Variants in KLHL32 observed in about 807,000 individuals in gnomAD.
KLHL32 encodes kelch-like protein 32.
KLHL32 carries 35 observed loss-of-function variants against 64.8 expected under a neutral mutation model. The observed-to-expected ratio is 0.54, with a 90% confidence interval of 0.41 to 0.72. The LOEUF is 0.72. Ranked by LOEUF, KLHL32 falls within the 30% of genes least tolerant of loss-of-function variation. The pLI, the probability that KLHL32 is intolerant of heterozygous loss-of-function variation, is 0.00. For missense variants in KLHL32, 589 were observed against 768.5 expected, an observed-to-expected ratio of 0.77 and a Z score of 2.76; for synonymous variants, 259 against 281.0, an observed-to-expected ratio of 0.92 and a Z score of 0.78.
chr6:96,931,911 C>T (rs1769935568), intron 1 of KLHL32, among the ~76,000 whole-genome samples: 1 of 152,056 alleles, frequency 6.6e-6, no homozygotes, highest in African/African-American at 2.4e-5. Context: ...TGTGAAGATA[C>T]CAGTTTATTC....
intron 3 of KLHL32, among the ~76,000 whole-genome samples, chr6:97,032,929 A>G (rs1281053174): frequency 3.4e-5 from 5 of 146,566 alleles, no homozygotes; most frequent in African/African-American, 1.0e-4. Flanking sequence ...ATTTCCTGTT[A>G]GCTTTTTTTT....
At chr6:96,964,220 G>GA (rs2128029528) in intron 1 of KLHL32, among the ~76,000 whole-genome samples, 1 of 152,304 alleles carries the variant, frequency 6.6e-6, no homozygotes, top group African/African-American at 2.4e-5. Context: ...GGCTGTAGGG[G>GA]AAAACAGCCT....
intron 3 of KLHL32, among the ~76,000 whole-genome samples, chr6:97,013,055 A>G (rs1430007199): frequency 6.6e-6 from 1 of 152,210 alleles, no homozygotes; most frequent in Non-Finnish European, 1.5e-5. Context: ...CAGAAATGTC[A>G]TGACATGTAA....
At chr6:97,128,544 A>G (rs1275390734) in intron 8 of KLHL32, among the ~76,000 whole-genome samples, 1 of 152,226 alleles carries the variant, frequency 6.6e-6, no homozygotes, top group Non-Finnish European at 1.5e-5. Flanking sequence ...CAAACATCAC[A>G]TCTGCTTGCA....
At chr6:97,039,560 G>A (rs1384794733) in intron 3 of KLHL32, among the ~76,000 whole-genome samples, 6 of 105,834 alleles carry the variant, frequency 5.7e-5, no homozygotes, top group East Asian at 4.5e-4. Flanking sequence ...AGTGGTTCAC[G>A]CCTGTAATCC....
At chr6:96,982,734 T>C (rs1312070940) in intron 3 of KLHL32, among the ~76,000 whole-genome samples, 2 of 152,240 alleles carry the variant, frequency 1.3e-5, no homozygotes, top group Non-Finnish European at 2.9e-5. Context: ...TGATTTTGTA[T>C]CCTGAGATGC....
intron 4 of KLHL32, among the ~76,000 whole-genome samples, chr6:97,052,279 T>C (rs1582854013): frequency 2.0e-5 from 3 of 152,192 alleles, no homozygotes; most frequent in African/African-American, 7.2e-5. Flanking sequence ...GACTGGTGAA[T>C]GAATGTTGTA....
At chr6:96,930,799 C>A (rs1268163531) in intron 1 of KLHL32, among the ~76,000 whole-genome samples, 1 of 152,050 alleles carries the variant, frequency 6.6e-6, no homozygotes, top group East Asian at 1.9e-4. Context: ...CTCTTTTATG[C>A]AGCTCCTGGA....
chr6:97,001,003 G>A (rs958711841), intron 3 of KLHL32, among the ~76,000 whole-genome samples: 1 of 152,158 alleles, frequency 6.6e-6, no homozygotes, highest in Non-Finnish European at 1.5e-5. Context: ...ACAATAAAAG[G>A]TCAGTGTTTG....
intron 3 of KLHL32, among the ~76,000 whole-genome samples, chr6:97,024,055 G>A (rs1040404285): frequency 6.6e-6 from 1 of 152,190 alleles, no homozygotes; most frequent in South Asian, 2.1e-4. Flanking sequence ...AGTAGAAGTT[G>A]GCATTGTCCA....
intron 3 of KLHL32, among the ~76,000 whole-genome samples, chr6:96,991,711 C>T (rs1777896043): frequency 6.6e-6 from 1 of 152,122 alleles, no homozygotes; most frequent in Non-Finnish European, 1.5e-5. Context: ...GCCACAGGAG[C>T]GAGGGCTTCA....
intron 4 of KLHL32, among the ~76,000 whole-genome samples, chr6:97,055,796 T>TAAAAAACAAAACAAAACAAAAAAA (rs1787719802): frequency 1.2e-5 from 1 of 81,032 alleles, no homozygotes. Context: ...AGAACCTGTC[T>TAAAAAACAAAACAAAACAAAAAAA]AAAAAAAAAA....
the KLHL32 span, among the ~76,000 whole-genome samples, chr6:96,915,722 T>C: frequency 1.3e-5 from 2 of 152,166 alleles, no homozygotes; most frequent in Admixed American, 6.5e-5. Context: ...TGCTCTGTAA[T>C]TGGAAAAGTA....
intron 6 of KLHL32, among the ~76,000 whole-genome samples, chr6:97,087,487 ACGGAACGT>A (rs1793595472): frequency 6.6e-6 from 1 of 152,214 alleles, no homozygotes; most frequent in South Asian, 2.1e-4. Context: ...ATTGTTCATT[ACGGAACGT>A]TCTCACTGTA....
At chr6:96,967,356 A>G (rs1012594884) in intron 2 of KLHL32, among the ~76,000 whole-genome samples, 1 of 152,092 alleles carries the variant, frequency 6.6e-6, no homozygotes, top group African/African-American at 2.4e-5. Context: ...CTCAAACATG[A>G]GGTATGCTAG....
intron 3 of KLHL32, among the ~76,000 whole-genome samples, chr6:97,034,124 C>T (rs1445166089): frequency 6.6e-6 from 1 of 151,986 alleles, no homozygotes; most frequent in Non-Finnish European, 1.5e-5. Flanking sequence ...GGAGCTTTTC[C>T]CCTACATTTT....
chr6:97,047,895 A>G (rs1218235630), intron 4 of KLHL32, among the ~76,000 whole-genome samples: 2 of 152,190 alleles, frequency 1.3e-5, no homozygotes, highest in Non-Finnish European at 2.9e-5. Context: ...GCCTTGGGAT[A>G]AGCCTTTAGA....
intron 4 of KLHL32, chr6:97,062,520 CAT>C (rs1390442170): frequency 6.6e-6 from 1 of 152,226 alleles, no homozygotes; most frequent in Middle Eastern, 3.2e-3. Context: ...ATTTTTGCCA[CAT>C]GTGCTTAACT....
At chr6:96,951,630 A>G (rs1353791174) in intron 1 of KLHL32, among the ~76,000 whole-genome samples, 1 of 152,198 alleles carries the variant, frequency 6.6e-6, no homozygotes, top group Non-Finnish European at 1.5e-5. Context: ...AGCAATATGC[A>G]TACCAAAACT....
Sources: allele counts gnomAD v4.1 joint callset (sites outside exome capture counted in the v4.1 genomes callset), GRCh38; gene constraint gnomAD v4.1.1; transcripts MANE v1.5; gene names NCBI Gene and HGNC (gene_info 2026-07-23, HGNC 2026-07-21).